CYP39A1: variants seen among roughly 807,000 people sequenced by gnomAD.
CYP39A1 encodes 24-hydroxycholesterol 7-alpha-hydroxylase.
In CYP39A1, 49 loss-of-function variants were observed where a neutral mutation model predicts 58.1. The observed-to-expected ratio is 0.84, with a 90% confidence interval of 0.67 to 1.07. CYP39A1 has a LOEUF of 1.07. CYP39A1 is among the 50% of genes least tolerant of loss of function. The pLI, the probability that CYP39A1 is intolerant of heterozygous loss-of-function variation, is 0.00. For synonymous variants in CYP39A1, 209 were observed against 187.6 expected, an observed-to-expected ratio of 1.11 and a Z score of -0.93; for missense variants, 531 against 539.4, an observed-to-expected ratio of 0.98 and a Z score of 0.16.
intron 7 of CYP39A1, among the ~76,000 whole-genome samples, chr6:46,598,554 T>C (rs1201518188): frequency 6.6e-6 from 1 of 152,202 alleles, no homozygotes; most frequent in Non-Finnish European, 1.5e-5. Context: ...TATCCCAACA[T>C]TTTCTAAACT....
At chr6:46,595,951 G>C in intron 8 of CYP39A1, 36 bp downstream of exon 8, 1 of 1,583,462 alleles carries the variant, frequency 6.3e-7, no homozygotes, top group Non-Finnish European at 8.5e-7. Flanking sequence ...TTTTTTTGTA[G>C]AAGGTTGATT....
chr6:46,601,693 T>TATC (rs1773518321), intron 7 of CYP39A1, among the ~76,000 whole-genome samples: 1 of 149,264 alleles, frequency 6.7e-6, no homozygotes. Flanking sequence ...TTATTATTAT[T>TATC]ATTATTATTT....
chr6:46,604,583 T>G (rs916638394), intron 7 of CYP39A1, among the ~76,000 whole-genome samples: 20 of 152,200 alleles, frequency 1.3e-4, no homozygotes, highest in Admixed American at 5.2e-4. Flanking sequence ...AAAAGTGAGA[T>G]GAGTGTCACA....
At chr6:46,646,880 A>G (rs985779136) in intron 1 of CYP39A1, among the ~76,000 whole-genome samples, 1 of 151,892 alleles carries the variant, frequency 6.6e-6, no homozygotes, top group Non-Finnish European at 1.5e-5. Context: ...ATCCCTTTTG[A>G]TGTCTGCAGT....
At chr6:46,590,483 T>G (rs1346778602) in intron 8 of CYP39A1, among the ~76,000 whole-genome samples, 1 of 152,154 alleles carries the variant, frequency 6.6e-6, no homozygotes, top group African/African-American at 2.4e-5. Flanking sequence ...GCAGGAGGTC[T>G]AAAGCACACA....
chr6:46,637,889 T>C lies in CYP39A1; in HGVS notation c.578A>G (p.Tyr193Cys), dbSNP rs762286271. 5 of 1,613,044 alleles carry C rather than the reference T, an allele frequency of 3.1e-6. No individual in the cohort carries two copies. The South Asian group carries it at 4.4e-5, about 14-fold the overall frequency. ...NKKKIKEFHQ[Y>C]FQVYDEDFEY... ...AAAATCTTCATCATAAACTTGAAAA[T>C]ACTGATGGAACTCCTTGATTTTTTT... Residue 193 changes from tyrosine to cysteine, a missense_variant, in exon 4 of 12, where the codon TAT (tyrosine) becomes TGT (cysteine). Coordinates refer to ENST00000275016, the MANE Select transcript of CYP39A1 (RefSeq NM_016593.5).
intron 10 of CYP39A1, among the ~76,000 whole-genome samples, chr6:46,565,772 C>A (rs1228901647): frequency 1.3e-5 from 2 of 152,106 alleles, no homozygotes; most frequent in East Asian, 3.9e-4. Context: ...ACTGTCATCA[C>A]CCATGGCAGG....
chr6:46,626,844 C>A (rs1775339027), intron 6 of CYP39A1, among the ~76,000 whole-genome samples: 1 of 152,172 alleles, frequency 6.6e-6, no homozygotes, highest in Non-Finnish European at 1.5e-5. Context: ...CTACTCCATA[C>A]TCACTTCATC....
chr6:46,619,400 G>A (rs1465480208), intron 7 of CYP39A1, among the ~76,000 whole-genome samples: 1 of 152,002 alleles, frequency 6.6e-6, no homozygotes, highest in Non-Finnish European at 1.5e-5. Context: ...TCTGTTGTTG[G>A]AGACGTTGCA....
At chr6:46,634,685 C>A (rs1256466944) in intron 5 of CYP39A1, among the ~76,000 whole-genome samples, 1 of 151,928 alleles carries the variant, frequency 6.6e-6, no homozygotes, top group South Asian at 2.1e-4. Flanking sequence ...CCATGCCAGG[C>A]TAATTTTTGT....
chr6:46,587,987 AAG>A (rs1474843244), intron 9 of CYP39A1, 45 bp downstream of exon 9: 1 of 1,156,506 alleles, frequency 8.6e-7, no homozygotes, highest in Admixed American at 2.3e-5. Context: ...CTGAAATAAA[AAG>A]AAATTAAAAT....
intron 5 of CYP39A1, among the ~76,000 whole-genome samples, chr6:46,635,452 A>T (rs1775925793): frequency 2.6e-5 from 4 of 152,184 alleles, no homozygotes; most frequent in Admixed American, 2.6e-4. Flanking sequence ...TCCCAGAGTG[A>T]TTCTAATGAG....
intron 6 of CYP39A1, among the ~76,000 whole-genome samples, chr6:46,625,781 G>T (rs958587255): frequency 2.0e-5 from 3 of 151,882 alleles, no homozygotes; most frequent in African/African-American, 4.8e-5. Context: ...CACTAAAAAT[G>T]AGAAAAGTTG....
At chr6:46,625,619 C>A (rs1775268615) in intron 6 of CYP39A1, 111 bp from the exon 7 acceptor site, 2 of 653,162 alleles carry the variant, frequency 3.1e-6, no homozygotes, top group Admixed American at 3.0e-5. Flanking sequence ...TTTAAATTAA[C>A]CTTAAGAGCA....
At chr6:46,598,359 A>G (rs1773294501) in intron 7 of CYP39A1, among the ~76,000 whole-genome samples, 1 of 152,186 alleles carries the variant, frequency 6.6e-6, no homozygotes, top group African/African-American at 2.4e-5. Flanking sequence ...CCTCCGAAAA[A>G]GCAAACCAAC....
chr6:46,600,091 C>T (rs1275154782), intron 7 of CYP39A1, among the ~76,000 whole-genome samples: 3 of 152,008 alleles, frequency 2.0e-5, no homozygotes, highest in Middle Eastern at 3.4e-3. Context: ...TTTTGGTATT[C>T]ATACATAATA....
chr6:46,609,378 C>T (rs2150546922), intron 7 of CYP39A1, among the ~76,000 whole-genome samples: 1 of 149,452 alleles, frequency 6.7e-6, no homozygotes, highest in East Asian at 2.0e-4. Context: ...GTCCGCGCCA[C>T]TGCACTCCAG....
chr6:46,565,112 G>A (rs1159439707), intron 10 of CYP39A1, among the ~76,000 whole-genome samples: 1 of 152,090 alleles, frequency 6.6e-6, no homozygotes, highest in African/African-American at 2.4e-5. Flanking sequence ...GGGAGATCTG[G>A]GACAGGGCCC....
intron 7 of CYP39A1, among the ~76,000 whole-genome samples, chr6:46,598,938 T>C (rs1773330374): frequency 6.6e-6 from 1 of 152,200 alleles, no homozygotes; most frequent in African/African-American, 2.4e-5. Flanking sequence ...ACCGTTACTA[T>C]TAATGCGAAT....
Sources: gnomAD v4.1 joint callset for allele counts (sites outside exome capture counted in the v4.1 genomes callset) on GRCh38, gnomAD v4.1.1 for gene constraint, MANE v1.5 for transcripts, NCBI Gene and HGNC (gene_info 2026-07-23, HGNC 2026-07-21) for gene names.